Variants in STIM1 observed in about 807,000 individuals in gnomAD.
STIM1 encodes stromal interaction molecule 1.
A neutral mutation model predicts 74.7 loss-of-function variants in STIM1; 25 were observed. The ratio of observed to expected loss-of-function variants is 0.33; its 90% CI spans 0.24 to 0.47. STIM1 has a LOEUF of 0.47. STIM1 is among the 20% of genes least tolerant of loss of function. The pLI is 1.00. For missense variants in STIM1, 728 were observed against 920.8 expected (o/e 0.79, Z 2.71); for synonymous variants, 328 against 348.8 (o/e 0.94, Z 0.66).
intron 1 of STIM1, among the ~76,000 whole-genome samples, chr11:3,874,512 G>C (rs1320461647): frequency 6.6e-6 from 1 of 152,184 alleles, no homozygotes; most frequent in African/African-American, 2.4e-5. Flanking sequence ...AACTAAATCA[G>C]TATTCAAATC....
intron 1 of STIM1, among the ~76,000 whole-genome samples, chr11:3,963,513 T>C (rs2093310437): frequency 6.6e-6 from 1 of 152,192 alleles, no homozygotes; most frequent in Non-Finnish European, 1.5e-5. Flanking sequence ...TATAAAAGGG[T>C]CCTGAGACCA....
At chr11:3,888,855 G>A (rs181447258) in intron 1 of STIM1, among the ~76,000 whole-genome samples, 73 of 152,134 alleles carry the variant, frequency 4.8e-4, no homozygotes, top group African/African-American at 1.6e-3. Context: ...CCCGGCCGCC[G>A]TGTAGTCTTT....
Position 4,023,897 on chromosome 11 carries a change from C to G in STIM1, c.295C>G (p.His99Asp), listed in dbSNP as rs1440304974. 1.9e-6 allele frequency: 3 copies of G among 1,613,968 alleles called. No homozygotes were observed. The highest frequency in any genetic ancestry group is 2.5e-6 in the Non-Finnish European group (3 of 1,179,948). ...DEFLREDLNY[H>D]DPTVKHSTFH... ...GTTCCTGAGGGAAGACCTCAATTAC[C>G]ATGACCCAACAGTGAAACACAGCAC... Residue 99 changes from histidine (H) to aspartate (D), a missense_variant, in exon 3 of 13, where the codon CAT becomes GAT. Transcript: ENST00000526596.
chr11:3,955,784 G>C (rs972067041), intron 1 of STIM1, among the ~76,000 whole-genome samples: 1 of 152,046 alleles, frequency 6.6e-6, no homozygotes, highest in Non-Finnish European at 1.5e-5. Context: ...CTCCTTAAGT[G>C]ATTCTGCTAT....
At chr11:3,855,039 T>C (rs1399330990), upstream of STIM1, 1 of 152,266 alleles carries the variant, frequency 6.6e-6, no homozygotes, top group African/African-American at 2.4e-5. Context: ...TGCAGTTTGC[T>C]GATTTTCCCA....
intron 3 of STIM1, among the ~76,000 whole-genome samples, chr11:4,042,355 A>T (rs1289531704): frequency 6.6e-6 from 1 of 152,194 alleles, no homozygotes; most frequent in Admixed American, 6.5e-5. Context: ...ACTATTTTTT[A>T]TCCCCTTAAC....
chr11:3,949,397 G>A (rs1341191161), intron 1 of STIM1, among the ~76,000 whole-genome samples: 1 of 152,144 alleles, frequency 6.6e-6, no homozygotes, highest in Non-Finnish European at 1.5e-5. Flanking sequence ...AGGAGATAAG[G>A]CTAGAAAATG....
chr11:3,855,081 C>T (rs1046167544), upstream of STIM1: 3 of 152,260 alleles, frequency 2.0e-5, no homozygotes, highest in Non-Finnish European at 4.4e-5. Context: ...CGACGAAGCG[C>T]GCGGGTTCCC....
intron 2 of STIM1, among the ~76,000 whole-genome samples, chr11:3,971,681 C>T (rs1011230586): frequency 1.3e-5 from 2 of 152,230 alleles, no homozygotes; most frequent in African/African-American, 4.8e-5. Flanking sequence ...ATCCCTTTTA[C>T]TCCCTGCCAG....
At chr11:4,052,923 T>C (rs1309759177) in intron 3 of STIM1, among the ~76,000 whole-genome samples, 2 of 152,134 alleles carry the variant, frequency 1.3e-5, no homozygotes, top group African/African-American at 4.8e-5. Context: ...AGGCGAAGGA[T>C]ATGAACAGAC....
chr11:4,064,473 C>A (rs2094352519), intron 5 of STIM1, among the ~76,000 whole-genome samples: 1 of 152,196 alleles, frequency 6.6e-6, no homozygotes. Flanking sequence ...ACTTAGACCT[C>A]ATCATCAGTC....
chr11:3,941,146 T>C (rs1191119047), intron 1 of STIM1, among the ~76,000 whole-genome samples: 1 of 152,220 alleles, frequency 6.6e-6, no homozygotes, highest in Non-Finnish European at 1.5e-5. Context: ...TTTATTGTTA[T>C]TATTTAAATG....
intron 1 of STIM1, among the ~76,000 whole-genome samples, chr11:3,859,874 C>T (rs1394614958): frequency 6.6e-6 from 1 of 152,192 alleles, no homozygotes; most frequent in East Asian, 1.9e-4. Flanking sequence ...ATAATCTGCT[C>T]CCAGGCCTCA....
chr11:3,919,185 G>A (rs543609104), intron 1 of STIM1, among the ~76,000 whole-genome samples: 1 of 152,234 alleles, frequency 6.6e-6, no homozygotes, highest in East Asian at 1.9e-4. Context: ...AAGATGCCAA[G>A]GACTTTTCTT....
chr11:3,917,673 G>A (rs1283053313), intron 1 of STIM1, among the ~76,000 whole-genome samples: 8 of 152,062 alleles, frequency 5.3e-5, no homozygotes, highest in Admixed American at 1.3e-4. Context: ...GGACTCAAAC[G>A]ATCACCTGCC....
rs761203064 is a variant in STIM1, at chr11:4,082,282, G to A, written c.1068G>A (p.Glu356=). The change falls in exon 8 of 13, where the codon GAG becomes GAA. Residue 356 remains glutamate, a synonymous_variant. Coordinates refer to ENST00000526596, the MANE Select transcript of STIM1 (RefSeq NM_001382567.1). ...AGAAGTGGCTGCAGCTGACACATGA[G>A]GTGGAGGTGCAATATTACAACATCA... is the stretch of plus-strand genomic sequence containing the variant. ...ALQKWLQLTH[E]VEVQYYNIKK... 13 of 1,614,012 alleles carry A rather than the reference G, an allele frequency of 8.1e-6. 1 individual carries two copies. The South Asian group carries it at 1.4e-4, about 18-fold the overall frequency.
chr11:3,957,640 TG>T (rs989918145), intron 1 of STIM1, among the ~76,000 whole-genome samples: 1 of 151,998 alleles, frequency 6.6e-6, no homozygotes, highest in African/African-American at 2.4e-5. Context: ...TGACACAGCC[TG>T]AAACTCCTGG....
In STIM1 at chr11:3,956,823, C is replaced by CAAAAAAAAAA. The variant is rs78285130; in HGVS notation, c.140-10710_140-10701dup. ...GGGTGACAGAGCAAGACCCTGTCTCCAAAAAAAAAAAAAAAAAAAAAAAAA... is the reference window on the plus strand; with the variant it reads ...GGGTGACAGAGCAAGACCCTGTCTCCAAAAAAAAAAAAAAAAAAAAAAAAAAAAAAAAAAA... On this transcript the variant is annotated intron_variant, in intron 1 of 12. Transcript: ENST00000526596. Among the ~76,000 whole-genome samples the CAAAAAAAAAA allele has an allele frequency of 1.3e-3, 49 of 38,196 alleles. 4 individuals are homozygous for CAAAAAAAAAA. Among genetic ancestry groups the CAAAAAAAAAA allele is most frequent in the East Asian group, 4.1e-3 (5 of 1,210 alleles). 25.1% of individuals were successfully genotyped at this position (38,196 alleles called of 152,430 possible).
At chr11:4,020,293 C>G (rs1048172754) in intron 2 of STIM1, among the ~76,000 whole-genome samples, 4 of 152,142 alleles carry the variant, frequency 2.6e-5, no homozygotes, top group Non-Finnish European at 5.9e-5. Flanking sequence ...ATGCTGATTT[C>G]ATTTCCTTTG....
Sources: allele counts gnomAD v4.1 joint callset (sites outside exome capture counted in the v4.1 genomes callset), GRCh38; gene constraint gnomAD v4.1.1; transcripts MANE v1.5; gene names NCBI Gene and HGNC (gene_info 2026-07-23, HGNC 2026-07-21).